GPR158: variants seen among roughly 807,000 people sequenced by gnomAD.
The protein encoded by GPR158 is G protein-coupled receptor 158.
GPR158 carries 30 observed loss-of-function variants against 78.2 expected under a neutral mutation model. The ratio of observed to expected loss-of-function variants is 0.38; its 90% CI spans 0.29 to 0.52. GPR158 has a LOEUF of 0.52. Among genes scored for constraint, GPR158 ranks in the 20% least tolerant of loss-of-function variants. GPR158 has a pLI of 0.83. For synonymous variants in GPR158, 581 were observed against 591.1 expected, an observed-to-expected ratio of 0.98 and a Z score of 0.25; for missense variants, 1,463 against 1,523.5, an observed-to-expected ratio of 0.96 and a Z score of 0.66.
chr10:25,440,361 G>C (rs1835052498), intron 4 of GPR158, among the ~76,000 whole-genome samples: 1 of 152,134 alleles, frequency 6.6e-6, no homozygotes. Context: ...CTTTAGGGTA[G>C]CCAGTAAAAG....
intron 7 of GPR158, 56 bp downstream of exon 7, chr10:25,572,943 C>A: frequency 9.8e-7 from 1 of 1,017,588 alleles, no homozygotes; most frequent in Non-Finnish European, 1.6e-6. Context: ...AGCATTACAA[C>A]TGACTTCTTT....
At chr10:25,308,377 C>T (rs539743614) in intron 2 of GPR158, among the ~76,000 whole-genome samples, 1 of 152,176 alleles carries the variant, frequency 6.6e-6, no homozygotes, top group East Asian at 1.9e-4. Flanking sequence ...GTTTCCCTCC[C>T]ACTTGTGAGA....
chr10:25,199,648 C>A (rs1189248471), intron 1 of GPR158, among the ~76,000 whole-genome samples: 1 of 148,128 alleles, frequency 6.8e-6, no homozygotes, highest in African/African-American at 2.5e-5. Context: ...CTCATGAGAT[C>A]TGATGGTTTA....
intron 7 of GPR158, among the ~76,000 whole-genome samples, chr10:25,582,684 A>G (rs1445452948): frequency 6.6e-6 from 1 of 152,190 alleles, no homozygotes; most frequent in Non-Finnish European, 1.5e-5. Flanking sequence ...CAAGCTTGAC[A>G]TCTCAGCATT....
chr10:25,487,110 T>C (rs1010095789), intron 5 of GPR158, among the ~76,000 whole-genome samples: 2 of 152,092 alleles, frequency 1.3e-5, no homozygotes, highest in African/African-American at 4.8e-5. Flanking sequence ...AAGAGGTGGA[T>C]ATCTGTGGGT....
At chr10:25,225,013 A>G (rs981273561) in intron 2 of GPR158, among the ~76,000 whole-genome samples, 5 of 152,254 alleles carry the variant, frequency 3.3e-5, no homozygotes, top group Non-Finnish European at 5.9e-5. Context: ...AACATTTTCA[A>G]ATATCCATTT....
chr10:25,476,386 T>TG (rs1487210050), intron 5 of GPR158, among the ~76,000 whole-genome samples: 29 of 148,776 alleles, frequency 1.9e-4, no homozygotes, highest in Non-Finnish European at 2.5e-4. Context: ...TAATAAGGGT[T>TG]TTTTTTTTTT....
intron 4 of GPR158, among the ~76,000 whole-genome samples, chr10:25,434,623 C>A (rs556641206): frequency 6.6e-6 from 1 of 151,976 alleles, no homozygotes; most frequent in African/African-American, 2.4e-5. Context: ...TGTTTGCCCA[C>A]GAGAAGCTCA....
At chr10:25,489,550 T>C (rs1835777207) in intron 5 of GPR158, among the ~76,000 whole-genome samples, 1 of 152,170 alleles carries the variant, frequency 6.6e-6, no homozygotes, top group African/African-American at 2.4e-5. Context: ...GGTTTCACAC[T>C]AGAATGCCTC....
chr10:25,541,198 A>G (rs11014597), intron 5 of GPR158, among the ~76,000 whole-genome samples: 52,889 of 151,648 alleles, frequency 0.35, 9,877 homozygotes, highest in Non-Finnish European at 0.43. Flanking sequence ...ATAATAAATC[A>G]TCTATTACTA....
intron 2 of GPR158, among the ~76,000 whole-genome samples, chr10:25,240,197 G>T (rs1164515292): frequency 6.6e-6 from 1 of 152,142 alleles, no homozygotes; most frequent in Non-Finnish European, 1.5e-5. Flanking sequence ...TCAAATAAGT[G>T]CTCTGAAAGT....
At chr10:25,270,356 A>G (rs1194244685) in intron 2 of GPR158, among the ~76,000 whole-genome samples, 1 of 152,112 alleles carries the variant, frequency 6.6e-6, no homozygotes, top group Non-Finnish European at 1.5e-5. Context: ...GTGCAGGGGA[A>G]CTGAATATGG....
chr10:25,427,433 G>A (rs1250276920), intron 4 of GPR158, among the ~76,000 whole-genome samples: 1 of 152,102 alleles, frequency 6.6e-6, no homozygotes, highest in African/African-American at 2.4e-5. Context: ...GGGAAATGCA[G>A]AGAATATGTT....
intron 2 of GPR158, among the ~76,000 whole-genome samples, chr10:25,333,835 G>GA (rs956998863): frequency 7.2e-5 from 11 of 151,880 alleles, no homozygotes; most frequent in African/African-American, 2.7e-4. Context: ...CTGGAGCTTT[G>GA]AAAAAAAGAA....
At chr10:25,459,939 A>C (rs575436656) in intron 4 of GPR158, among the ~76,000 whole-genome samples, 2 of 152,324 alleles carry the variant, frequency 1.3e-5, no homozygotes, top group East Asian at 3.9e-4. Flanking sequence ...AGTAAGGTAG[A>C]ATATACTCAC....
At chr10:25,282,235 C>T (rs1315443316) in intron 2 of GPR158, among the ~76,000 whole-genome samples, 2 of 152,126 alleles carry the variant, frequency 1.3e-5, no homozygotes, top group African/African-American at 4.8e-5. Flanking sequence ...CAGTATTTGG[C>T]CCTTTCAGCC....
At position 25,191,071 on chromosome 10, in the gene GPR158, C is replaced by T. The variant is rs1342406250; in HGVS notation, c.902+14749C>T. 5.3e-5 allele frequency among the ~76,000 whole-genome samples: 8 copies of T among 152,250 alleles called. No homozygotes were observed. In the South Asian group the frequency reaches 1.5e-3, roughly 28 times the overall value. Reference sequence around the variant, plus strand: ...GGAAAGCCTCTCACAATACAGTCCCCTGAAAGTTATTTAGCAATGTATCTG... The same window carrying T: ...GGAAAGCCTCTCACAATACAGTCCCTTGAAAGTTATTTAGCAATGTATCTG... On this transcript the variant is annotated intron_variant, in intron 1 of 10. Transcript: ENST00000376351.
intron 1 of GPR158, among the ~76,000 whole-genome samples, chr10:25,209,187 T>A (rs183566666): frequency 6.6e-6 from 1 of 152,282 alleles, no homozygotes; most frequent in East Asian, 1.9e-4. Context: ...CTCTTTTATG[T>A]GTAATATGTA....
chr10:25,598,392 A>C lies in GPR158; in HGVS notation c.2766A>C (p.Thr922=). 1 of 1,614,148 alleles carries C rather than the reference A, an allele frequency of 6.2e-7. No homozygotes were observed. Among genetic ancestry groups the C allele is most frequent in the Non-Finnish European group, 8.5e-7 (1 of 1,180,024 alleles). ...KTLGLAGKTQ[T]AGVEERTKSQ... ...TTGGATTAGCTGGGAAAACCCAAACAGCAGGTGTGGAAGAACGCACTAAAT... is the reference window on the plus strand; with the variant it reads ...TTGGATTAGCTGGGAAAACCCAAACCGCAGGTGTGGAAGAACGCACTAAAT... The change falls in exon 11 of 11, where the codon ACA becomes ACC. Residue 922 remains threonine (T), a synonymous_variant. Transcript: ENST00000376351.
Sources: allele counts gnomAD v4.1 joint callset (sites outside exome capture counted in the v4.1 genomes callset), GRCh38; gene constraint gnomAD v4.1.1; transcripts MANE v1.5; gene names NCBI Gene and HGNC (gene_info 2026-07-23, HGNC 2026-07-21).